HMCN1: variants seen among roughly 807,000 people sequenced by gnomAD.
The protein encoded by HMCN1 is hemicentin 1.
In HMCN1, 321 loss-of-function variants were observed where a neutral mutation model predicts 625.9. That is an observed-to-expected ratio of 0.51 (90% CI 0.47 to 0.56). The LOEUF (loss-of-function observed/expected upper bound fraction) is 0.56, where lower values mean the gene tolerates loss of function less well. Ranked by LOEUF, HMCN1 falls within the 20% of genes least tolerant of loss-of-function variation. The pLI is 0.00. For missense variants in HMCN1, 6,588 were observed against 6,887.3 expected (o/e 0.96, Z 1.54); for synonymous variants, 2,425 against 2,417.6 (o/e 1.00, Z -0.09).
intron 100 of HMCN1, among the ~76,000 whole-genome samples, chr1:186,167,525 C>T (rs1469031887): frequency 1.3e-5 from 2 of 152,304 alleles, no homozygotes; most frequent in East Asian, 1.9e-4. Flanking sequence ...GATTAAGCTT[C>T]TCTTGGTGTT....
At position 185,864,638 on chromosome 1, in the gene HMCN1, A is replaced by T; in HGVS notation, c.498+10A>T. On this transcript the variant is annotated intron_variant, in intron 3 of 106. Coordinates refer to ENST00000271588, the MANE Select transcript of HMCN1 (RefSeq NM_031935.3). ...ACAGAAACAGTCACAAGTGAGTAAG[A>T]ATCAACCCCAAACGTCTCTGTCTAA... 1.2e-6 allele frequency: 2 copies of T among 1,613,652 alleles called. No homozygotes were observed. The highest frequency in any genetic ancestry group is 1.7e-6 in the Non-Finnish European group (2 of 1,179,700).
chr1:185,823,805 A>G (rs1660344514), intron 1 of HMCN1, among the ~76,000 whole-genome samples: 1 of 152,232 alleles, frequency 6.6e-6, no homozygotes, highest in Admixed American at 6.5e-5. Context: ...TGAATTCAGA[A>G]CTGAAACAAT....
At chr1:186,104,964 A>G (rs976907339) in intron 69 of HMCN1, among the ~76,000 whole-genome samples, 11 of 152,222 alleles carry the variant, frequency 7.2e-5, no homozygotes, top group African/African-American at 2.7e-4. Context: ...AGAATCATGA[A>G]TATAAAAAAA....
chr1:186,034,560 G>A (rs1194635741), intron 36 of HMCN1, among the ~76,000 whole-genome samples: 1 of 152,112 alleles, frequency 6.6e-6, no homozygotes, highest in Non-Finnish European at 1.5e-5. Context: ...AATAATGACA[G>A]TTCTCTCAGA....
At chr1:185,971,223 T>C (rs1650806613) in intron 15 of HMCN1, among the ~76,000 whole-genome samples, 1 of 152,336 alleles carries the variant, frequency 6.6e-6, no homozygotes, top group Admixed American at 6.5e-5. Context: ...AATTTGAAGA[T>C]ATTGATGACA....
Position 186,117,088 on chromosome 1 carries a change from A to G in HMCN1, c.11656A>G (p.Lys3886Glu), listed in dbSNP as rs1661169048. ...TGTGACAAACGGTGCTGGAGATGAT[A>G]AAAGAACTGTGGATCTCACTGTCCA... is the stretch of plus-strand genomic sequence containing the variant. Reference protein sequence around the residue: ...CTVTNGAGDDKRTVDLTVQVP... With the variant: ...CTVTNGAGDDERTVDLTVQVP... Residue 3886 changes from lysine to glutamate, a missense_variant, in exon 76 of 107, where the codon AAA becomes GAA. This residue lies in a region of HMCN1 where 4,628 missense variants were observed against 4,853.1 expected (regional missense o/e 0.95). Transcript: ENST00000271588. The G allele has an allele frequency of 1.9e-6, 3 of 1,613,428 alleles. No homozygotes were observed. Among genetic ancestry groups the G allele is most frequent in the Non-Finnish European group, 2.5e-6 (3 of 1,179,564 alleles).
rs757351648 is a variant in HMCN1, at chr1:186,053,986, A to G, written c.6862A>G (p.Ile2288Val). 6 of 1,612,072 alleles carry G rather than the reference A, an allele frequency of 3.7e-6. No individual in the cohort carries two copies. Among genetic ancestry groups the G allele is most frequent in the Non-Finnish European group, 5.1e-6 (6 of 1,178,928 alleles). Residue 2288 changes from isoleucine to valine, a missense_variant and splice_region_variant, in exon 44 of 107, where the codon ATT becomes GTT. Physicochemically the swap from Ile to Val is conservative, Grantham distance 29. This residue lies in a region of HMCN1 where 4,628 missense variants were observed against 4,853.1 expected (regional missense o/e 0.95). Transcript: ENST00000271588. ...GAAAGAATACAATCTGCAAGTTTAC[A>G]GTAAGTTGTTGATTAGCCAGGCTTT... ...AKKEYNLQVYIRPTITNSGSH... is the reference protein window; with the variant it reads ...AKKEYNLQVYVRPTITNSGSH...
chr1:185,867,631 G>A (rs1227802212), intron 4 of HMCN1, among the ~76,000 whole-genome samples: 3 of 152,136 alleles, frequency 2.0e-5, no homozygotes, highest in Non-Finnish European at 4.4e-5. Flanking sequence ...GGGCCAGTAT[G>A]CTGAATATGC....
chr1:186,073,215 A>G (rs1658581119), intron 52 of HMCN1, among the ~76,000 whole-genome samples: 1 of 152,178 alleles, frequency 6.6e-6, no homozygotes. Context: ...CAAAATGAAC[A>G]CAAGTTAAAC....
intron 11 of HMCN1, among the ~76,000 whole-genome samples, chr1:185,949,126 A>G (rs1234175331): frequency 3.3e-5 from 5 of 151,912 alleles, no homozygotes; most frequent in Admixed American, 6.6e-5. Flanking sequence ...AGCAAAGATT[A>G]TTTATTTACT....
intron 11 of HMCN1, among the ~76,000 whole-genome samples, chr1:185,949,370 G>C (rs912467271): frequency 8.6e-5 from 13 of 151,888 alleles, no homozygotes; most frequent in South Asian, 2.1e-4. Flanking sequence ...AAAGGAGCGT[G>C]TATACAGGAG....
intron 3 of HMCN1, 94 bp from the exon 4 acceptor site, chr1:185,865,647 T>A: frequency 3.4e-6 from 3 of 882,732 alleles, no homozygotes; most frequent in Non-Finnish European, 3.5e-6. Flanking sequence ...ATATTCTACT[T>A]GCCCAGTAAT....
intron 89 of HMCN1, among the ~76,000 whole-genome samples, chr1:186,140,037 A>T (rs1048560637): frequency 6.6e-6 from 1 of 152,202 alleles, no homozygotes; most frequent in African/African-American, 2.4e-5. Flanking sequence ...TCTATGTAAC[A>T]CTATCTAGGT....
intron 1 of HMCN1, among the ~76,000 whole-genome samples, chr1:185,788,501 A>T (rs1381695740): frequency 1.3e-5 from 2 of 152,182 alleles, no homozygotes. Context: ...AGACATTTTA[A>T]CCTATGCATG....
At chr1:186,168,394 A>G (rs1163116908) in intron 100 of HMCN1, among the ~76,000 whole-genome samples, 1 of 151,772 alleles carries the variant, frequency 6.6e-6, no homozygotes, top group Non-Finnish European at 1.5e-5. Context: ...CTGAAGTTGC[A>G]GTGAGCTGAG....
intron 86 of HMCN1, among the ~76,000 whole-genome samples, chr1:186,136,345 C>G (rs1439965722): frequency 6.6e-6 from 1 of 152,146 alleles, no homozygotes. Context: ...CAGGAATCCT[C>G]TGAAGTAGGC....
intron 1 of HMCN1, among the ~76,000 whole-genome samples, chr1:185,767,849 A>G (rs1396901384): frequency 6.6e-6 from 1 of 152,194 alleles, no homozygotes; most frequent in Non-Finnish European, 1.5e-5. Context: ...GAGGCAAACT[A>G]TGGGGAATGA....
chr1:185,870,318 A>G (rs1164525190), intron 4 of HMCN1, among the ~76,000 whole-genome samples: 1 of 152,206 alleles, frequency 6.6e-6, no homozygotes, highest in African/African-American at 2.4e-5. Flanking sequence ...GGTGTAAGAA[A>G]AAGTCCAAGT....
intron 49 of HMCN1, among the ~76,000 whole-genome samples, chr1:186,066,041 T>C (rs1467207525): frequency 6.6e-6 from 1 of 152,164 alleles, no homozygotes; most frequent in Non-Finnish European, 1.5e-5. Flanking sequence ...GGTTATACCA[T>C]TTAAGGAGTA....
Sources: allele counts gnomAD v4.1 joint callset (sites outside exome capture counted in the v4.1 genomes callset), GRCh38; gene constraint gnomAD v4.1.1; regional missense constraint gnomAD v4.1.1; transcripts MANE v1.5; gene names NCBI Gene and HGNC (gene_info 2026-07-23, HGNC 2026-07-21).